DAP3: variants seen among roughly 807,000 people sequenced by gnomAD.
DAP3 encodes death associated protein 3, also known as small ribosomal subunit protein mS29.
A neutral mutation model predicts 51.9 loss-of-function variants in DAP3; 28 were observed. The observed-to-expected ratio is 0.54, with a 90% CI of 0.40 to 0.74. The LOEUF is 0.74. Among genes scored for constraint, DAP3 ranks in the 30% least tolerant of loss-of-function variants. DAP3 has a pLI of 0.00. For synonymous variants in DAP3, 170 were observed against 170.3 expected, an observed-to-expected ratio of 1.00 and a Z score of 0.01; for missense variants, 458 against 483.5, an observed-to-expected ratio of 0.95 and a Z score of 0.49.
intron 8 of DAP3, 22 bp from the exon 9 acceptor site, chr1:155,729,186 A>C (rs1043335872): frequency 6.2e-7 from 1 of 1,614,044 alleles, no homozygotes; most frequent in Non-Finnish European, 8.5e-7. Context: ...GTAGCACTAC[A>C]ATCCACTGTC....
At chr1:155,731,507 T>G in intron 10 of DAP3, 92 bp downstream of exon 10, 6 of 1,275,646 alleles carry the variant, frequency 4.7e-6, no homozygotes, top group Non-Finnish European at 6.8e-6. Context: ...CTTTACAGTC[T>G]CTAATTTTAT....
chr1:155,717,034 G>A lies in DAP3; in HGVS notation c.74G>A (p.Gly25Glu). ...GACCCTGGGCGTTTTTTACACATGGGGACCCAGGCTCGCCAAAGCATTGCT... is the reference window on the plus strand; with the variant it reads ...GACCCTGGGCGTTTTTTACACATGGAGACCCAGGCTCGCCAAAGCATTGCT... ...KLDPGRFLHM[G>E]TQARQSIAAH... Residue 25 changes from glycine to glutamate, a missense_variant, in exon 3 of 13, where the codon GGG (glycine) becomes GAG (glutamate). By Grantham distance (98) the Gly-to-Glu change is moderately conservative. Coordinates refer to ENST00000368336, the MANE Select transcript of DAP3 (RefSeq NM_004632.4). 1.2e-6 allele frequency: 2 copies of A among 1,614,044 alleles called. No homozygotes were observed. The highest frequency in any genetic ancestry group is 1.7e-6 in the Non-Finnish European group (2 of 1,180,012).
intron 4 of DAP3, 25 bp from the exon 5 acceptor site, chr1:155,725,357 C>G (rs554102059): frequency 2.7e-5 from 43 of 1,608,750 alleles, no homozygotes; most frequent in Non-Finnish European, 3.4e-5. Flanking sequence ...CCCACCCACT[C>G]TTTCCTTCTT....
intron 4 of DAP3, among the ~76,000 whole-genome samples, chr1:155,722,213 C>T (rs1370476424): frequency 6.6e-6 from 1 of 151,918 alleles, no homozygotes; most frequent in Non-Finnish European, 1.5e-5. Context: ...CGAGACCAGT[C>T]TAGGCAACAT....
intron 2 of DAP3, among the ~76,000 whole-genome samples, chr1:155,715,354 C>G (rs1287307111): frequency 1.3e-5 from 2 of 151,480 alleles, no homozygotes; most frequent in Non-Finnish European, 2.9e-5. Context: ...AAGACCCTGT[C>G]TACAAAAAAT....
intron 1 of DAP3, among the ~76,000 whole-genome samples, chr1:155,704,111 C>T (rs1313684628): frequency 6.6e-6 from 1 of 152,154 alleles, no homozygotes. Context: ...TGTGCCACTG[C>T]ACTCCAGCCT....
At chr1:155,734,810 G>A (rs1659592356) in intron 11 of DAP3, among the ~76,000 whole-genome samples, 1 of 152,014 alleles carries the variant, frequency 6.6e-6, no homozygotes, top group Admixed American at 6.6e-5. Flanking sequence ...AAAACTATGA[G>A]TTCCTACTAG....
chr1:155,688,755 C>T (rs933607591), upstream of DAP3: 6 of 1,521,112 alleles, frequency 3.9e-6, no homozygotes, highest in South Asian at 7.3e-5. Flanking sequence ...AAGCAGCCGC[C>T]GCCAGCACCC....
chr1:155,727,492 GAAAT>G, intron 6 of DAP3, 112 bp from the exon 7 acceptor site: 2 of 908,192 alleles, frequency 2.2e-6, no homozygotes, highest in South Asian at 2.8e-5. Flanking sequence ...AAAAAGAAAA[GAAAT>G]ATATATATGA....
chr1:155,721,023 C>T (rs1403994458), intron 3 of DAP3, among the ~76,000 whole-genome samples: 3 of 137,964 alleles, frequency 2.2e-5, no homozygotes, highest in Non-Finnish European at 4.7e-5. Flanking sequence ...GGTGACAGAG[C>T]GAGACTCTGT....
At chr1:155,704,030 C>G (rs1174556872) in intron 1 of DAP3, among the ~76,000 whole-genome samples, 4 of 152,042 alleles carry the variant, frequency 2.6e-5, no homozygotes, top group South Asian at 2.1e-4. Context: ...GCCTGTAGTC[C>G]CAGTTACTTA....
chr1:155,731,071 C>T (rs1391461353), intron 9 of DAP3, among the ~76,000 whole-genome samples: 2 of 151,980 alleles, frequency 1.3e-5, no homozygotes, highest in African/African-American at 2.4e-5. Flanking sequence ...AGTTTGAGAC[C>T]GTCCTGGCTA....
intron 7 of DAP3, among the ~76,000 whole-genome samples, chr1:155,728,732 C>T (rs1355229345): frequency 2.0e-5 from 3 of 151,974 alleles, no homozygotes; most frequent in Non-Finnish European, 4.4e-5. Context: ...TGGTGACACA[C>T]GCCTGAAATC....
chr1:155,718,898 C>T (rs1319627953), intron 3 of DAP3, among the ~76,000 whole-genome samples: 1 of 152,160 alleles, frequency 6.6e-6, no homozygotes, highest in African/African-American at 2.4e-5. Flanking sequence ...TCTGGGGTTT[C>T]TATGGAAACA....
At chr1:155,716,761 T>C (rs1343027550) in intron 2 of DAP3, among the ~76,000 whole-genome samples, 1 of 151,170 alleles carries the variant, frequency 6.6e-6, no homozygotes, top group East Asian at 2.0e-4. Context: ...GCCTGGCCCA[T>C]ATGGTGAAAT....
intron 11 of DAP3, 95 bp downstream of exon 11, chr1:155,732,128 C>A: frequency 8.7e-7 from 1 of 1,148,228 alleles, no homozygotes; most frequent in Middle Eastern, 2.6e-4. Flanking sequence ...TAATTTCAGA[C>A]TTAGAGAAAA....
chr1:155,710,800 C>G (rs763876379), intron 2 of DAP3, among the ~76,000 whole-genome samples: 22 of 152,160 alleles, frequency 1.4e-4, no homozygotes, highest in Admixed American at 6.6e-5. Context: ...ACTTCAAAGC[C>G]TGTGGCCTAA....
rs775495982 is a variant in DAP3 at position 155,709,807 on chromosome 1, A to C, written c.28A>C (p.Ile10Leu). Residue 10 changes from isoleucine (I) to leucine (L), a missense_variant, in exon 2 of 13, where the codon ATC (isoleucine) becomes CTC (leucine). Ile to Leu is a conservative substitution (Grantham distance 5). Coordinates refer to ENST00000368336, the MANE Select transcript of DAP3 (RefSeq NM_004632.4). MMLKGITRL[I>L]SRIHKLDPGR... ...GATGCTGAAAGGAATAACAAGGCTT[A>C]TCTCTAGGATCCATAAGGTGAGTCC... 1.9e-6 allele frequency: 3 copies of C among 1,612,624 alleles called. No individual in the cohort carries two copies. The highest frequency in any genetic ancestry group is 2.5e-6 in the Non-Finnish European group (3 of 1,179,710).
At chr1:155,711,269 G>T (rs1656660371) in intron 2 of DAP3, among the ~76,000 whole-genome samples, 1 of 152,164 alleles carries the variant, frequency 6.6e-6, no homozygotes. Flanking sequence ...GAGGCAGGCA[G>T]ATCACCTGAG....
Sources: allele counts gnomAD v4.1 joint callset (sites outside exome capture counted in the v4.1 genomes callset), GRCh38; gene constraint gnomAD v4.1.1; transcripts MANE v1.5; gene names NCBI Gene and HGNC (gene_info 2026-07-23, HGNC 2026-07-21).